The following FLRT2 variants were observed in gnomAD, a reference collection of about 807,000 sequenced individuals.
The protein encoded by FLRT2 is fibronectin leucine rich transmembrane protein 2.
Under a neutral mutation model 40.0 loss-of-function variants are expected in FLRT2, and 15 were observed. The ratio of observed to expected loss-of-function variants is 0.38; its 90% CI spans 0.25 to 0.58. FLRT2 has a LOEUF of 0.58. FLRT2 is among the 20% of genes least tolerant of loss of function. The pLI is 0.71. For synonymous variants in FLRT2, 380 were observed against 336.8 expected, an observed-to-expected ratio of 1.13 and a Z score of -1.41; for missense variants, 726 against 840.0, an observed-to-expected ratio of 0.86 and a Z score of 1.68.
At chr14:85,578,691 TC>T (rs35709228) in intron 1 of FLRT2, among the ~76,000 whole-genome samples, 1,594 of 152,288 alleles carry the variant, frequency 0.01, 36 homozygotes, top group African/African-American at 0.027. Context: ...TCTGATTTTT[TC>T]CGCATATTTA....
intron 1 of FLRT2, among the ~76,000 whole-genome samples, chr14:85,542,713 C>CA (rs2139812096): frequency 1.3e-5 from 2 of 152,274 alleles, no homozygotes; most frequent in South Asian, 4.1e-4. Context: ...AGGTAAAGAA[C>CA]AAGTCCAGTG....
intron 1 of FLRT2, among the ~76,000 whole-genome samples, chr14:85,582,891 A>C (rs1342492853): frequency 6.6e-6 from 1 of 151,032 alleles, no homozygotes; most frequent in Non-Finnish European, 1.5e-5. Flanking sequence ...TATATATCCA[A>C]CTATATATAT....
chr14:85,598,813 T>A (rs1222007820), intron 1 of FLRT2, among the ~76,000 whole-genome samples: 1 of 152,140 alleles, frequency 6.6e-6, no homozygotes, highest in Non-Finnish European at 1.5e-5. Flanking sequence ...CTTCTCCTAT[T>A]CAGACAGCCT....
At chr14:85,535,892 G>GTT (rs71454768) in intron 1 of FLRT2, among the ~76,000 whole-genome samples, 171 of 57,742 alleles carry the variant, frequency 3.0e-3, no homozygotes, top group Admixed American at 3.4e-3. Flanking sequence ...AAGGAATGCT[G>GTT]TTTTTTTTTT....
In FLRT2 at chr14:85,634,307, A is replaced by G. The variant is rs1893950795; in HGVS notation, c.*10810A>G. 6.6e-6 allele frequency: 1 copy of G among 152,190 alleles called. No homozygotes were observed. The highest frequency in any genetic ancestry group is 2.4e-5 in the African/African-American group (1 of 41,446). The allele number at this position is 152,190 out of a possible 1,614,324, so 9.4% of individuals were successfully genotyped here. ...GACAGTTATTTGGCAAGTAGTATCAATGGGTACTGGCATTCCTGTGGTCTG... is the reference window on the plus strand; with the variant it reads ...GACAGTTATTTGGCAAGTAGTATCAGTGGGTACTGGCATTCCTGTGGTCTG... On this transcript the variant is annotated 3_prime_UTR_variant, in exon 2 of 2. Coordinates refer to ENST00000330753, the MANE Select transcript of FLRT2 (RefSeq NM_013231.6).
intron 1 of FLRT2, among the ~76,000 whole-genome samples, chr14:85,549,250 A>ACT (rs1252849772): frequency 1.3e-3 from 203 of 152,316 alleles, no homozygotes; most frequent in African/African-American, 4.6e-3. Context: ...TAAGCCATCC[A>ACT]TGGATGGCAA....
chr14:85,618,289 C>T (rs909442157), intron 1 of FLRT2, among the ~76,000 whole-genome samples: 2 of 152,156 alleles, frequency 1.3e-5, no homozygotes, highest in East Asian at 1.9e-4. Flanking sequence ...AACTTAGAGA[C>T]CCTGGTGCTG....
At chr14:85,544,794 C>T (rs575374541) in intron 1 of FLRT2, among the ~76,000 whole-genome samples, 3 of 152,258 alleles carry the variant, frequency 2.0e-5, no homozygotes, top group Non-Finnish European at 2.9e-5. Flanking sequence ...TGTTAAGTTT[C>T]GCGGTAGATT....
chr14:85,644,625 A>G lies in FLRT2; in HGVS notation c.*21128A>G, dbSNP rs534420812. 1 of 152,354 alleles carries G rather than the reference A, an allele frequency of 6.6e-6. No homozygotes were observed. Among genetic ancestry groups the G allele is most frequent in the African/African-American group, 2.4e-5 (1 of 41,596 alleles). The allele number at this position is 152,354 out of a possible 1,614,324, so 9.4% of individuals were successfully genotyped here. A position where few individuals can be genotyped will look rare whatever the true frequency, so the allele number is the denominator to read the frequency against. On this transcript the variant is annotated 3_prime_UTR_variant, in exon 2 of 2. Coordinates refer to ENST00000330753, the MANE Select transcript of FLRT2 (RefSeq NM_013231.6). ...TCCGGCATGTCTGGAAATCCTTTCC[A>G]AAGAAACTGGGCCTGTTCTTGATGG... is the stretch of plus-strand genomic sequence containing the variant.
chr14:85,596,188 G>A (rs1007156427), intron 1 of FLRT2, among the ~76,000 whole-genome samples: 8 of 152,186 alleles, frequency 5.3e-5, no homozygotes, highest in Non-Finnish European at 1.2e-4. Context: ...GGAAACAGGC[G>A]CCCCTGAACC....
At chr14:85,611,915 A>T (rs1366224242) in intron 1 of FLRT2, among the ~76,000 whole-genome samples, 1 of 94,824 alleles carries the variant, frequency 1.1e-5, no homozygotes, top group Admixed American at 1.0e-4. Context: ...CGTGCGCGAA[A>T]GCGTGTGTGT....
intron 1 of FLRT2, among the ~76,000 whole-genome samples, chr14:85,597,590 C>T (rs1018840110): frequency 6.6e-6 from 1 of 152,168 alleles, no homozygotes; most frequent in Non-Finnish European, 1.5e-5. Context: ...GAGTTTTGCT[C>T]TTGTTGCCCA....
At chr14:85,591,015 G>A (rs1417517919) in intron 1 of FLRT2, among the ~76,000 whole-genome samples, 3 of 135,852 alleles carry the variant, frequency 2.2e-5, no homozygotes, top group Non-Finnish European at 4.8e-5. Context: ...TAAATCATTT[G>A]TATTTCTTCT....
rs1894154728 is a variant in FLRT2, at chr14:85,641,773, T to C, written c.*18276T>C. On this transcript the variant is annotated 3_prime_UTR_variant, in exon 2 of 2. Transcript: ENST00000330753. ...CTTACCTAAGGGTATAAATTTGATA[T>C]TGGTTACCTAAACTGTCTGAATTTG... The C allele has an allele frequency of 1.3e-5, 2 of 152,322 alleles. No individual in the cohort carries two copies. The highest frequency in any genetic ancestry group is 4.8e-5 in the African/African-American group (2 of 41,574). The allele number at this position is 152,322 out of a possible 1,614,324, so 9.4% of individuals were successfully genotyped here.
rs552448516 is a variant in FLRT2 at position 85,639,613 on chromosome 14, G to C, written c.*16116G>C. The C allele has an allele frequency of 1.1e-4, 16 of 152,120 alleles. No individual in the cohort carries two copies. The highest frequency in any genetic ancestry group is 3.9e-4 in the African/African-American group (16 of 41,510). 9.4% of individuals were successfully genotyped at this position (152,120 alleles called of 1,614,324 possible). Reference sequence around the variant, plus strand: ...CTGCTGAATTTTCTCTCATGAGTTTGGCTAAAATTAGAGTGTGTGTTAGTA... The same window carrying C: ...CTGCTGAATTTTCTCTCATGAGTTTCGCTAAAATTAGAGTGTGTGTTAGTA... On this transcript the variant is annotated 3_prime_UTR_variant, in exon 2 of 2. Coordinates refer to ENST00000330753, the MANE Select transcript of FLRT2 (RefSeq NM_013231.6).
At chr14:85,577,876 A>G (rs1468008307) in intron 1 of FLRT2, among the ~76,000 whole-genome samples, 2 of 151,864 alleles carry the variant, frequency 1.3e-5, no homozygotes, top group Admixed American at 6.6e-5. Flanking sequence ...CTACCACACT[A>G]GGGCCTGATT....
At chr14:85,619,461 C>T (rs1212549709) in intron 1 of FLRT2, among the ~76,000 whole-genome samples, 2 of 152,196 alleles carry the variant, frequency 1.3e-5, no homozygotes, top group African/African-American at 4.8e-5. Context: ...CTCCCACCCA[C>T]CTTATATTTC....
intron 1 of FLRT2, among the ~76,000 whole-genome samples, chr14:85,574,635 C>A (rs1891045393): frequency 6.8e-6 from 1 of 147,966 alleles, no homozygotes; most frequent in Non-Finnish European, 1.5e-5. Flanking sequence ...ACTTTTATTT[C>A]TTAAATAAAT....
chr14:85,583,090 A>C (rs1054383005), intron 1 of FLRT2, among the ~76,000 whole-genome samples: 3 of 152,258 alleles, frequency 2.0e-5, no homozygotes, highest in African/African-American at 7.2e-5. Context: ...GTGAAGGGTT[A>C]GGACTCTAGG....
Sources: allele counts gnomAD v4.1 joint callset (sites outside exome capture counted in the v4.1 genomes callset), GRCh38; gene constraint gnomAD v4.1.1; transcripts MANE v1.5; gene names NCBI Gene and HGNC (gene_info 2026-07-23, HGNC 2026-07-21).